FXN: variants seen among roughly 807,000 people sequenced by gnomAD.
The protein encoded by FXN is frataxin, mitochondrial.
FXN carries 14 observed loss-of-function variants against 22.4 expected under a neutral mutation model. The ratio of observed to expected loss-of-function variants is 0.62; its 90% CI spans 0.41 to 0.98. FXN has a LOEUF of 0.98. FXN is among the 50% of genes least tolerant of loss of function. The pLI is 0.00. For missense variants in FXN, 267 were observed against 268.4 expected, an observed-to-expected ratio of 0.99 and a Z score of 0.04; for synonymous variants, 120 against 114.1, an observed-to-expected ratio of 1.05 and a Z score of -0.33.
intron 2 of FXN, among the ~76,000 whole-genome samples, chr9:69,051,450 A>G (rs1055113748): frequency 6.6e-6 from 1 of 151,856 alleles, no homozygotes; most frequent in Non-Finnish European, 1.5e-5. Context: ...GAAGTGTTAA[A>G]TAATCTTTCT....
At chr9:69,036,934 G>T (rs1189310122) in intron 1 of FXN, among the ~76,000 whole-genome samples, 1 of 152,110 alleles carries the variant, frequency 6.6e-6, no homozygotes, top group Non-Finnish European at 1.5e-5. Flanking sequence ...AAGGCGGAAG[G>T]GGATCCCTTC....
At position 69,075,981 on chromosome 9, in the gene FXN, A is replaced by G. The variant is rs1832360388; in HGVS notation, c.*3219A>G. The G allele has an allele frequency of 1.0e-6, 1 of 976,924 alleles. No homozygotes were observed. The highest frequency in any genetic ancestry group is 1.2e-6 in the Non-Finnish European group (1 of 822,334). The allele number at this position is 976,924 out of a possible 1,614,324, so 60.5% of individuals were successfully genotyped here. On this transcript the variant is annotated 3_prime_UTR_variant, in exon 5 of 5. Coordinates refer to ENST00000484259, the MANE Select transcript of FXN (RefSeq NM_000144.5). ...CGTCCTCCCAAGATGCTGGGATTAC[A>G]GGTGTGTGCCACAGGTGTTCATCAG...
At chr9:69,069,411 C>T (rs1832232052) in intron 4 of FXN, among the ~76,000 whole-genome samples, 1 of 152,162 alleles carries the variant, frequency 6.6e-6, no homozygotes, top group African/African-American at 2.4e-5. Context: ...TGAAACAGGC[C>T]ATGAATGTTG....
chr9:69,074,931 A>G lies in FXN; in HGVS notation c.*2169A>G, dbSNP rs949526303. On this transcript the variant is annotated 3_prime_UTR_variant, in exon 5 of 5. Transcript: ENST00000484259. ...GCATCTTGCTTCTACTGAAAGTTTC[A>G]GTGCACCCCACTTACTTAGAACTCG... 3 of 985,346 alleles carry G rather than the reference A, an allele frequency of 3.0e-6. No homozygotes were observed. Among genetic ancestry groups the G allele is most frequent in the Non-Finnish European group, 3.6e-6 (3 of 829,956 alleles). The allele number at this position is 985,346 out of a possible 1,614,324, so 61.0% of individuals were successfully genotyped here.
intron 1 of FXN, among the ~76,000 whole-genome samples, chr9:69,039,016 G>T (rs1831609906): frequency 6.6e-6 from 1 of 152,024 alleles, no homozygotes; most frequent in South Asian, 2.1e-4. Context: ...ACTTTGGGAG[G>T]CTGAGATGGG....
At chr9:69,070,019 A>C (rs768922208) in intron 4 of FXN, among the ~76,000 whole-genome samples, 2 of 152,194 alleles carry the variant, frequency 1.3e-5, no homozygotes, top group African/African-American at 2.4e-5. Flanking sequence ...GCTTGAGCTC[A>C]GGAGTTCCAG....
At chr9:69,068,077 C>G (rs946225356) in intron 4 of FXN, among the ~76,000 whole-genome samples, 1 of 152,150 alleles carries the variant, frequency 6.6e-6, no homozygotes, top group African/African-American at 2.4e-5. Context: ...GTAGGTGGGA[C>G]CGGGCTTCCC....
rs1832302591 is a variant in FXN at position 69,073,036 on chromosome 9, T to C, written c.*274T>C. ...CTTATCTTTTATAATGTCTTATGCCTATACCTGAATATAACAACCTTTAAA... is the reference window on the plus strand; with the variant it reads ...CTTATCTTTTATAATGTCTTATGCCCATACCTGAATATAACAACCTTTAAA... On this transcript the variant is annotated 3_prime_UTR_variant, in exon 5 of 5. Transcript: ENST00000484259. 1.4e-5 allele frequency: 19 copies of C among 1,316,782 alleles called. No individual in the cohort carries two copies. The highest frequency in any genetic ancestry group is 1.8e-5 in the Non-Finnish European group (19 of 1,033,044). 81.6% of individuals were successfully genotyped at this position (1,316,782 alleles called of 1,614,324 possible).
rs1218294674 is a variant in FXN at position 69,075,678 on chromosome 9, A to G, written c.*2916A>G. On this transcript the variant is annotated 3_prime_UTR_variant, in exon 5 of 5. Transcript: ENST00000484259. ...GAAAAGGTTATTAAATATTCACTGTAACATACTGGAGGAGGTGAGGAATTG... is the reference window on the plus strand; with the variant it reads ...GAAAAGGTTATTAAATATTCACTGTGACATACTGGAGGAGGTGAGGAATTG... 1.1e-5 allele frequency: 11 copies of G among 985,230 alleles called. No homozygotes were observed. The highest frequency in any genetic ancestry group is 1.2e-5 in the Non-Finnish European group (10 of 829,890). 61.0% of individuals were successfully genotyped at this position (985,230 alleles called of 1,614,324 possible).
intron 4 of FXN, among the ~76,000 whole-genome samples, chr9:69,067,194 C>G (rs957020790): frequency 6.6e-6 from 1 of 152,244 alleles, no homozygotes; most frequent in Non-Finnish European, 1.5e-5. Flanking sequence ...ACAGCCGTCC[C>G]GCTCCGGGCC....
At chr9:69,054,025 G>T (rs533097971) in intron 3 of FXN, among the ~76,000 whole-genome samples, 2 of 151,348 alleles carry the variant, frequency 1.3e-5, no homozygotes, top group East Asian at 1.9e-4. Context: ...GTTTTTTTTT[G>T]AAGGAGTCTC....
Position 69,078,528 on chromosome 9 carries a change from CA to C in FXN, c.*5767del. 2.0e-6 allele frequency: 2 copies of C among 985,506 alleles called. No individual in the cohort carries two copies. Among genetic ancestry groups the C allele is most frequent in the Non-Finnish European group, 2.4e-6 (2 of 829,940 alleles). The allele number at this position is 985,506 out of a possible 1,614,324, so 61.0% of individuals were successfully genotyped here. A position where few individuals can be genotyped will look rare whatever the true frequency, so the allele number is the denominator to read the frequency against. On this transcript the variant is annotated 3_prime_UTR_variant, in exon 5 of 5. Transcript: ENST00000484259. ...CAATCTCTTGTCTGTAAAACCTAAGCAGGACCAAGGCCAAGTTTCTTAGCCT... is the reference window on the plus strand; with the variant it reads ...CAATCTCTTGTCTGTAAAACCTAAGCGGACCAAGGCCAAGTTTCTTAGCCT...
chr9:69,052,611 C>T (rs1214726471), intron 2 of FXN, among the ~76,000 whole-genome samples: 3 of 144,824 alleles, frequency 2.1e-5, no homozygotes, highest in South Asian at 2.2e-4. Context: ...GGCGCAATCT[C>T]GGCTCACTGC....
In FXN at chr9:69,074,841, G is replaced by A. The variant is rs1645596141; in HGVS notation, c.*2079G>A. The A allele has an allele frequency of 1.0e-6, 1 of 981,894 alleles. No individual in the cohort carries two copies. The highest frequency in any genetic ancestry group is 6.1e-5 in the Admixed American group (1 of 16,262). The allele number at this position is 981,894 out of a possible 1,614,324, so 60.8% of individuals were successfully genotyped here. ...ATTATTTTTTGAGTCTGATGGAAAT[G>A]TTTAAGTGCAGTAGGCCAGTGCCAG... On this transcript the variant is annotated 3_prime_UTR_variant, in exon 5 of 5. Transcript: ENST00000484259.
chr9:69,074,170 C>A lies in FXN; in HGVS notation c.*1408C>A. The A allele has an allele frequency of 1.2e-6, 1 of 830,732 alleles. No homozygotes were observed. The highest frequency in any genetic ancestry group is 1.4e-6 in the Non-Finnish European group (1 of 690,496). 51.5% of individuals were successfully genotyped at this position (830,732 alleles called of 1,614,324 possible). On this transcript the variant is annotated 3_prime_UTR_variant, in exon 5 of 5. Transcript: ENST00000484259. Reference sequence around the variant, plus strand: ...TTGCACTGTAACCTGGGTGACTGAGCAAAACTCTGTCTCAAAATAATAATA... The same window carrying A: ...TTGCACTGTAACCTGGGTGACTGAGAAAAACTCTGTCTCAAAATAATAATA...
At chr9:69,046,355 A>G in intron 1 of FXN, 30 bp from the exon 2 acceptor site, 2 of 1,525,784 alleles carry the variant, frequency 1.3e-6, no homozygotes, top group Non-Finnish European at 1.8e-6. Flanking sequence ...ACTGAAAAAT[A>G]GTAACGTACT....
chr9:69,053,005 AAG>A, intron 2 of FXN, 133 bp from the exon 3 acceptor site: 3 of 1,045,918 alleles, frequency 2.9e-6, no homozygotes, highest in South Asian at 1.6e-5. Context: ...AAAAAAAAAA[AAG>A]AAAGAAAAAC....
intron 1 of FXN, 111 bp downstream of exon 1, chr9:69,036,058 G>A: frequency 1.0e-6 from 1 of 976,834 alleles, no homozygotes; most frequent in Non-Finnish European, 1.3e-6. Context: ...ACGCGCGCTG[G>A]ACTAGCTCAC....
intron 4 of FXN, among the ~76,000 whole-genome samples, chr9:69,067,263 C>T (rs961667556): frequency 3.3e-5 from 5 of 152,260 alleles, no homozygotes; most frequent in African/African-American, 1.2e-4. Flanking sequence ...CTGCGGGGTT[C>T]CGGGGGAGCA....
Sources: allele counts gnomAD v4.1 joint callset (sites outside exome capture counted in the v4.1 genomes callset), GRCh38; gene constraint gnomAD v4.1.1; transcripts MANE v1.5; gene names NCBI Gene and HGNC (gene_info 2026-07-23, HGNC 2026-07-21).